Variants in TNS1 observed in about 807,000 individuals in gnomAD.
The protein encoded by TNS1 is tensin-1.
TNS1 carries 62 observed loss-of-function variants against 168.6 expected under a neutral mutation model. That is an observed-to-expected ratio of 0.37 (90% confidence interval 0.30 to 0.45). TNS1 has a LOEUF of 0.45. Ranked by LOEUF, TNS1 falls within the 20% of genes least tolerant of loss-of-function variation. TNS1 has a pLI of 1.00. For missense variants in TNS1, 2,240 were observed against 2,339.4 expected, an observed-to-expected ratio of 0.96 and a Z score of 0.88; for synonymous variants, 934 against 933.2, an observed-to-expected ratio of 1.00 and a Z score of -0.02.
intron 3 of TNS1, 144 bp from the exon 4 acceptor site, chr2:217,920,380 T>C (rs1955592114): frequency 1.6e-6 from 1 of 634,694 alleles, no homozygotes. Flanking sequence ...TTCAGCAGAC[T>C]ATGGAGCAAC....
intron 22 of TNS1, among the ~76,000 whole-genome samples, chr2:217,825,636 C>G (rs900176757): frequency 6.6e-6 from 1 of 152,176 alleles, no homozygotes. Context: ...GCCACACCAC[C>G]CCGTCCTGTG....
intron 22 of TNS1, among the ~76,000 whole-genome samples, chr2:217,823,134 C>A (rs1251292273): frequency 2.6e-5 from 4 of 152,226 alleles, no homozygotes. Flanking sequence ...CTCCAGGTCT[C>A]CTCCAGAAGA....
chr2:217,958,216 G>GA (rs1957412211), intron 3 of TNS1, among the ~76,000 whole-genome samples: 1 of 152,136 alleles, frequency 6.6e-6, no homozygotes, highest in African/African-American at 2.4e-5. Flanking sequence ...AGCAAACTGG[G>GA]TTTTTTTAAA....
intron 22 of TNS1, 132 bp from the exon 23 acceptor site, chr2:217,822,070 A>G: frequency 2.0e-6 from 2 of 1,019,556 alleles, no homozygotes; most frequent in Admixed American, 3.3e-5. Context: ...CCCAAAGGAC[A>G]GGCAGGGCTC....
intron 18 of TNS1, among the ~76,000 whole-genome samples, chr2:217,877,081 G>A (rs1950264898): frequency 6.6e-6 from 1 of 152,082 alleles, no homozygotes; most frequent in Non-Finnish European, 1.5e-5. Flanking sequence ...CAGTCCGAGG[G>A]TCCTTATTAT....
rs149774715 is a variant in TNS1, at chr2:218,021,006, TTAGA to T, written c.156+12810_156+12813del. Reference sequence around the variant, plus strand: ...TCCACGAAACAAGAACAGGAGGCTATTAGATAGAAAGAACATTCTGAGAACAAAA... The same window carrying T: ...TCCACGAAACAAGAACAGGAGGCTATTAGAAAGAACATTCTGAGAACAAAA... On this transcript the variant is annotated intron_variant, in intron 1 of 1. Transcript: ENST00000649572. 8.3e-3 allele frequency among the ~76,000 whole-genome samples: 1,271 copies of T among 152,310 alleles called. 18 individuals are homozygous for T. The highest frequency in any genetic ancestry group is 0.029 in the African/African-American group (1,195 of 41,550).
At chr2:217,849,559 A>C in intron 18 of TNS1, 1 of 748,326 alleles carries the variant, frequency 1.3e-6, no homozygotes, top group African/African-American at 1.9e-5. Context: ...CTGGCACGTG[A>C]TGGGAGTTCA....
intron 3 of TNS1, among the ~76,000 whole-genome samples, chr2:217,927,414 G>A (rs1019318442): frequency 1.3e-5 from 2 of 152,158 alleles, no homozygotes; most frequent in Admixed American, 1.3e-4. Context: ...CAGTGAAGGA[G>A]TTAAATTTTA....
intron 3 of TNS1, among the ~76,000 whole-genome samples, chr2:217,973,245 C>T (rs561458807): frequency 1.3e-5 from 2 of 151,616 alleles, no homozygotes; most frequent in Non-Finnish European, 2.9e-5. Context: ...AGTCCCAGCT[C>T]GGACTCGGAA....
chr2:217,831,081 G>A (rs1269714808), intron 22 of TNS1, among the ~76,000 whole-genome samples: 1 of 152,172 alleles, frequency 6.6e-6, no homozygotes, highest in Non-Finnish European at 1.5e-5. Flanking sequence ...CTCTATGTGT[G>A]TGTGTGTACA....
chr2:217,850,653 C>G, intron 18 of TNS1: 2 of 966,502 alleles, frequency 2.1e-6, no homozygotes, highest in Non-Finnish European at 2.5e-6. Flanking sequence ...TTACTCTAAT[C>G]CAGGCTCTCC....
intron 3 of TNS1, among the ~76,000 whole-genome samples, chr2:217,966,566 G>T (rs770848574): frequency 6.6e-6 from 1 of 152,110 alleles, no homozygotes; most frequent in African/African-American, 2.4e-5. Context: ...CTCCACAAGC[G>T]CTGCCAGGGA....
At chr2:217,954,502 G>A (rs1957313760) in intron 3 of TNS1, among the ~76,000 whole-genome samples, 1 of 152,202 alleles carries the variant, frequency 6.6e-6, no homozygotes, top group African/African-American at 2.4e-5. Context: ...AGCAGGTACT[G>A]TGATTATCAC....
At chr2:217,877,624 G>A (rs1950307519) in intron 18 of TNS1, among the ~76,000 whole-genome samples, 1 of 152,248 alleles carries the variant, frequency 6.6e-6, no homozygotes, top group Non-Finnish European at 1.5e-5. Context: ...TCGGGAGAGG[G>A]CTCTAAGTGT....
chr2:217,931,388 G>A (rs181716595), intron 3 of TNS1, among the ~76,000 whole-genome samples: 117 of 152,336 alleles, frequency 7.7e-4, no homozygotes, highest in Non-Finnish European at 1.4e-3. Flanking sequence ...AAATCTAAGA[G>A]CAGTGGGAAA....
At position 217,847,905 on chromosome 2, in the gene TNS1, G is replaced by A. The variant is rs753070843; in HGVS notation, c.2612C>T (p.Ser871Phe). The change falls in exon 19 of 33, where the codon TCC becomes TTC. Residue 871 changes from serine (S) to phenylalanine (F), a missense_variant. Physicochemically the swap from Ser to Phe is radical, Grantham distance 155. Around this residue, in one of 2 missense-constraint regions of TNS1, gnomAD observed 2,131 missense variants for 2,171.2 expected, o/e 0.98. Coordinates refer to ENST00000682258, the MANE Select transcript of TNS1 (RefSeq NM_001387777.1). ...GAWPGASPLS[S>F]QPLSGSSRQS... ...ACGGGAGGATCCAGAGAGGGGCTGG[G>A]AGGAGAGTGGAGAAGCCCCTGGCCA... The A allele has an allele frequency of 1.9e-6, 3 of 1,538,640 alleles. No homozygotes were observed. The highest frequency in any genetic ancestry group is 2.6e-6 in the Non-Finnish European group (3 of 1,136,240).
At chr2:217,895,197 A>G (rs1952159661) in intron 8 of TNS1, 141 bp from the exon 9 acceptor site, 5 of 832,222 alleles carry the variant, frequency 6.0e-6, no homozygotes, top group African/African-American at 1.7e-5. Flanking sequence ...GACAGCATCC[A>G]GCAGAGCGTC....
chr2:217,970,446 A>C (rs751661710), intron 3 of TNS1, among the ~76,000 whole-genome samples: 1 of 152,236 alleles, frequency 6.6e-6, no homozygotes, highest in Non-Finnish European at 1.5e-5. Flanking sequence ...AAACTTGTAC[A>C]TGAATCCTCA....
In TNS1 at chr2:218,032,130, G is replaced by C. The variant is rs1388352072; in HGVS notation, c.156+1690C>G. On this transcript the variant is annotated intron_variant, in intron 1 of 1. Transcript: ENST00000649572. The surrounding 1 kb of genome is among the most constrained non-coding windows in gnomAD (Gnocchi z 4.0). ...ATAGGAGGGCTCAGGGTGTAGGGCA[G>C]TTGTGGGACCTAGAGAGGCCACCTG... Among the ~76,000 whole-genome samples, 1 of 152,238 alleles carries C rather than the reference G, an allele frequency of 6.6e-6. No individual in the cohort carries two copies. The highest frequency in any genetic ancestry group is 1.5e-5 in the Non-Finnish European group (1 of 68,038).
Sources: allele counts gnomAD v4.1 joint callset (sites outside exome capture counted in the v4.1 genomes callset), GRCh38; gene constraint gnomAD v4.1.1; regional missense constraint gnomAD v4.1.1; non-coding constraint Gnocchi (gnomAD v3.1); transcripts MANE v1.5; gene names NCBI Gene and HGNC (gene_info 2026-07-23, HGNC 2026-07-21).